The following DGKZ variants were observed in gnomAD, a reference collection of about 807,000 sequenced individuals.
DGKZ encodes DAG kinase zeta.
A neutral mutation model predicts 142.5 loss-of-function variants in DGKZ; 45 were observed. That is an observed-to-expected ratio of 0.32 (90% CI 0.25 to 0.40). The LOEUF is 0.40. Ranked by LOEUF, DGKZ falls within the 10% of genes least tolerant of loss-of-function variation. The probability of loss-of-function intolerance (pLI) is 1.00; values close to 1 mark genes in which losing one functional copy is unlikely to be tolerated. For synonymous variants in DGKZ, 442 were observed against 527.0 expected (o/e 0.84, Z 2.21); for missense variants, 755 against 1,306.5 (o/e 0.58, Z 6.51).
upstream of DGKZ, among the ~76,000 whole-genome samples, chr11:46,346,502 G>A (rs1292009016): frequency 2.0e-5 from 3 of 152,198 alleles, no homozygotes; most frequent in Non-Finnish European, 4.4e-5. Context: ...GGACGGCCTC[G>A]GCTGCATTGT....
At chr11:46,376,975 G>T in intron 24 of DGKZ, 98 bp from the exon 25 acceptor site, 1 of 1,110,762 alleles carries the variant, frequency 9.0e-7, no homozygotes, top group Non-Finnish European at 1.3e-6. Flanking sequence ...TTCAGTGTTT[G>T]TGCTCATGGC....
intron 24 of DGKZ, 49 bp from the exon 25 acceptor site, chr11:46,377,024 G>T: frequency 6.5e-7 from 1 of 1,548,064 alleles, no homozygotes; most frequent in Non-Finnish European, 8.9e-7. Flanking sequence ...CTGCCCCTCG[G>T]CCCCCACCGT....
chr11:46,355,151 C>T (rs1038018421), intron 1 of DGKZ, among the ~76,000 whole-genome samples: 1 of 152,120 alleles, frequency 6.6e-6, no homozygotes, highest in African/African-American at 2.4e-5. Flanking sequence ...CACTCTCGCC[C>T]AGGCTAGAGT....
At position 46,375,824 on chromosome 11, in the gene DGKZ, C is replaced by T. The variant is rs1270214190; in HGVS notation, c.1911-27C>T. 4 of 1,548,518 alleles carry T rather than the reference C, an allele frequency of 2.6e-6. No individual in the cohort carries two copies. In the South Asian group the frequency reaches 4.8e-5, roughly 18 times the overall value. ...GCACCAAGGCAGGGCCCTTGCTGAG[C>T]CCCCGCTTGCCGGCCCTGCCCGACA... is the stretch of plus-strand genomic sequence containing the variant. On this transcript the variant is annotated intron_variant, in intron 20 of 30. Coordinates refer to ENST00000527911, the Ensembl canonical transcript of DGKZ.
exon 1 of DGKZ, chr11:46,333,332 G>A (rs1564986124): frequency 7.5e-7 from 1 of 1,330,718 alleles, no homozygotes; most frequent in Non-Finnish European, 9.5e-7. Context: ...GCGGCGGCCG[G>A]GCAGCCGAGG....
Position 46,361,605 on chromosome 11 carries a change from C to T in DGKZ, c.162-5686C>T, listed in dbSNP as rs991427745. 6.3e-5 allele frequency: 62 copies of T among 985,468 alleles called. No homozygotes were observed. In the African/African-American group the frequency reaches 1.1e-3, roughly 17 times the overall value. 61.0% of individuals were successfully genotyped at this position (985,468 alleles called of 1,614,324 possible). The stretch of plus-strand genomic sequence containing the variant: ...AGGAGCAGCCACGGCTGCTAGCTCT[C>T]CAAACTAGGACTTGCTCAGCAGAGG... On this transcript the variant is annotated intron_variant, in intron 1 of 30. Transcript: ENST00000527911.
At position 46,361,395 on chromosome 11, in the gene DGKZ, G is replaced by C. The variant is rs1942629635; in HGVS notation, c.162-5896G>C. 1.3e-5 allele frequency: 2 copies of C among 154,036 alleles called. 1 individual carries two copies. Among genetic ancestry groups the C allele is most frequent in the South Asian group, 4.1e-4 (2 of 4,870 alleles). 9.5% of individuals were successfully genotyped at this position (154,036 alleles called of 1,614,324 possible). On this transcript the variant is annotated intron_variant, in intron 1 of 30. Coordinates refer to ENST00000527911, the Ensembl canonical transcript of DGKZ. ...CTGGGTTGTCACCCAGCCTGGCTCT[G>C]GGAACCTTGGGAAAAGGAGCTGGGA...
In DGKZ at chr11:46,372,312, TC is replaced by T; in HGVS notation, c.928-115del. 7.4e-7 allele frequency: 1 copy of T among 1,353,618 alleles called. No individual in the cohort carries two copies. The highest frequency in any genetic ancestry group is 1.4e-5 in the African/African-American group (1 of 69,256). The allele number at this position is 1,353,618 out of a possible 1,614,324, so 83.9% of individuals were successfully genotyped here. A position where few individuals can be genotyped will look rare whatever the true frequency, so the allele number is the denominator to read the frequency against. On this transcript the variant is annotated intron_variant, in intron 10 of 30. Transcript: ENST00000527911. The surrounding 1 kb of genome is among the most constrained non-coding windows in gnomAD (Gnocchi z 5.9). ...GGGATCCTGAGAAAATCCTGTCCTT[TC>T]TCCACCCCTCACCCCTTATTGGCCC... is the stretch of plus-strand genomic sequence containing the variant.
At position 46,372,568 on chromosome 11, in the gene DGKZ, G is replaced by A; in HGVS notation, c.1011-49G>A. 1.2e-6 allele frequency: 2 copies of A among 1,613,818 alleles called. No individual in the cohort carries two copies. Among genetic ancestry groups the A allele is most frequent in the Non-Finnish European group, 1.7e-6 (2 of 1,179,950 alleles). ...GGGGGGGAACTTGCCTCACTCCTGG[G>A]GTACAGCACACATCCCCTGACCCCA... On this transcript the variant is annotated intron_variant, in intron 11 of 30. Coordinates refer to ENST00000527911, the Ensembl canonical transcript of DGKZ. The surrounding 1 kb of genome is among the most constrained non-coding windows in gnomAD (Gnocchi z 5.9).
Position 46,347,507 on chromosome 11 carries a change from G to A in DGKZ, c.-153G>A. On this transcript the variant is annotated 5_prime_UTR_variant, in exon 1 of 31. Coordinates refer to ENST00000527911, the Ensembl canonical transcript of DGKZ. The surrounding 1 kb of genome is among the most constrained non-coding windows in gnomAD (Gnocchi z 6.4). ...GCGGCAGCGGCTTCCCGGGCACCTGGGCGTGGGGAGCGGGGGCGCGCGGCG... is the reference window on the plus strand; with the variant it reads ...GCGGCAGCGGCTTCCCGGGCACCTGAGCGTGGGGAGCGGGGGCGCGCGGCG... 4 of 982,434 alleles carry A rather than the reference G, an allele frequency of 4.1e-6. No individual in the cohort carries two copies. The highest frequency in any genetic ancestry group is 4.8e-6 in the Non-Finnish European group (4 of 829,208). 60.9% of individuals were successfully genotyped at this position (982,434 alleles called of 1,614,324 possible). A position where few individuals can be genotyped will look rare whatever the true frequency, so the allele number is the denominator to read the frequency against.
upstream of DGKZ, among the ~76,000 whole-genome samples, chr11:46,342,641 C>CT (rs11380740): frequency 1 from 152,373 of 152,374 alleles, 76,186 homozygotes; most frequent in Non-Finnish European, 1. Context: ...GGAGAGGAAA[C>CT]GTGGAAAAGT....
At chr11:46,375,042 G>A (rs1022546111) in exon 19 of DGKZ, 31 of 1,592,298 alleles carry the variant, frequency 1.9e-5, no homozygotes, top group Middle Eastern at 3.3e-4. Context: ...CCATGACGTC[G>A]TTGGTGAGTG....
rs200913938 is a variant in DGKZ at position 46,379,953 on chromosome 11, C to T, written c.*6C>T. On this transcript the variant is annotated 3_prime_UTR_variant, in exon 31 of 31. Transcript: ENST00000527911. ...ACCAGGAGACGGCTGTGTAGCGGGC[C>T]GCCCACGGGCAGCAGGAGGGACAAT... 5 of 1,598,764 alleles carry T rather than the reference C, an allele frequency of 3.1e-6. No individual in the cohort carries two copies. The South Asian group carries it at 3.4e-5, about 11-fold the overall frequency.
intron 6 of DGKZ, 59 bp downstream of exon 6, chr11:46,370,068 T>C (rs1347030480): frequency 2.5e-6 from 4 of 1,593,872 alleles, no homozygotes; most frequent in Non-Finnish European, 3.4e-6. Context: ...GCCCAGGCCA[T>C]GTGGCCGGTG....
intron 1 of DGKZ, among the ~76,000 whole-genome samples, chr11:46,359,230 C>T (rs1401196717): frequency 6.6e-6 from 1 of 152,008 alleles, no homozygotes; most frequent in East Asian, 1.9e-4. Context: ...ATCACGAGGT[C>T]AGGAGTTCGA....
chr11:46,353,405 G>T (rs1941644824), intron 1 of DGKZ, among the ~76,000 whole-genome samples: 1 of 152,216 alleles, frequency 6.6e-6, no homozygotes, highest in Non-Finnish European at 1.5e-5. Context: ...GGTGCCAACG[G>T]TGTGAGACCC....
intron 1 of DGKZ, among the ~76,000 whole-genome samples, chr11:46,341,312 A>T (rs1940266230): frequency 6.6e-6 from 1 of 152,240 alleles, no homozygotes; most frequent in Non-Finnish European, 1.5e-5. Context: ...GAGCAACATA[A>T]GGTTCAAGAA....
intron 1 of DGKZ, chr11:46,366,634 G>T (rs1943299486): frequency 6.2e-7 from 1 of 1,604,930 alleles, no homozygotes; most frequent in African/African-American, 1.3e-5. Flanking sequence ...AGGAGGATGT[G>T]GTAGCCGAGG....
upstream of DGKZ, among the ~76,000 whole-genome samples, chr11:46,343,811 C>CACAT (rs1940397338): frequency 6.6e-6 from 1 of 152,164 alleles, no homozygotes. Context: ...CCAGGTAAGT[C>CACAT]ACATAGCTCA....
Sources: gnomAD v4.1 joint callset for allele counts (sites outside exome capture counted in the v4.1 genomes callset) on GRCh38, gnomAD v4.1.1 for gene constraint, Gnocchi (gnomAD v3.1) non-coding constraint, MANE v1.5 for transcripts, NCBI Gene and HGNC (gene_info 2026-07-23, HGNC 2026-07-21) for gene names.